The following DROSHA variants were observed in gnomAD, a reference collection of about 807,000 sequenced individuals.
DROSHA encodes drosha ribonuclease III, also known as ribonuclease 3.
A neutral mutation model predicts 181.9 loss-of-function variants in DROSHA; 56 were observed. The ratio of observed to expected loss-of-function variants is 0.31; its 90% CI spans 0.25 to 0.38. The LOEUF (loss-of-function observed/expected upper bound fraction) is 0.38, where lower values mean the gene tolerates loss of function less well. Ranked by LOEUF, DROSHA falls within the 10% of genes least tolerant of loss-of-function variation. The probability of loss-of-function intolerance (pLI) is 1.00; values close to 1 mark genes in which losing one functional copy is unlikely to be tolerated. For synonymous variants in DROSHA, 524 were observed against 591.2 expected (o/e 0.89, Z 1.65); for missense variants, 1,218 against 1,743.5 (o/e 0.70, Z 5.37).
chr5:31,494,836 G>A (rs1269260021), intron 12 of DROSHA, among the ~76,000 whole-genome samples: 5 of 151,748 alleles, frequency 3.3e-5, no homozygotes, highest in Admixed American at 6.6e-5. Context: ...CACCATGCCC[G>A]GCTAATTTTT....
chr5:31,424,265 C>T (rs1035845276), intron 28 of DROSHA, among the ~76,000 whole-genome samples, 162 bp downstream of exon 28: 1 of 152,134 alleles, frequency 6.6e-6, no homozygotes, highest in Admixed American at 6.5e-5. Context: ...GGTTCATTCT[C>T]CTATTGTTCC....
intron 3 of DROSHA, 24 bp from the exon 4 acceptor site, chr5:31,529,129 A>G: frequency 6.4e-7 from 1 of 1,573,684 alleles, no homozygotes; most frequent in South Asian, 1.2e-5. Flanking sequence ...AGAATAAAAC[A>G]GACATAAACA....
intron 3 of DROSHA, among the ~76,000 whole-genome samples, chr5:31,529,452 T>C (rs765988984): frequency 6.6e-6 from 1 of 152,128 alleles, no homozygotes; most frequent in Non-Finnish European, 1.5e-5. Context: ...CAGGTAGGCA[T>C]AGGCCGGGCA....
At chr5:31,415,666 A>G (rs1263007456) in intron 30 of DROSHA, among the ~76,000 whole-genome samples, 1 of 152,202 alleles carries the variant, frequency 6.6e-6, no homozygotes, top group Non-Finnish European at 1.5e-5. Flanking sequence ...CATCACCGCT[A>G]TAGTGCATGC....
intron 5 of DROSHA, among the ~76,000 whole-genome samples, chr5:31,523,460 C>A (rs1740140780): frequency 6.6e-6 from 1 of 152,146 alleles, no homozygotes; most frequent in Non-Finnish European, 1.5e-5. Flanking sequence ...CAAGTTGAAG[C>A]CTTGATGGAA....
chr5:31,430,283 T>C (rs1246379721), intron 26 of DROSHA, among the ~76,000 whole-genome samples: 1 of 152,246 alleles, frequency 6.6e-6, no homozygotes, highest in African/African-American at 2.4e-5. Context: ...GTAGCAGCTG[T>C]TGTGGTTTGG....
chr5:31,484,395 A>T (rs1374866671), intron 15 of DROSHA, among the ~76,000 whole-genome samples: 1 of 133,752 alleles, frequency 7.5e-6, no homozygotes, highest in African/African-American at 2.9e-5. Flanking sequence ...AAAAAAAAAA[A>T]AAAAAAAAAA....
At chr5:31,406,989 T>C in intron 33 of DROSHA, 44 bp from the exon 34 acceptor site, 1 of 1,565,544 alleles carries the variant, frequency 6.4e-7, no homozygotes, top group Non-Finnish European at 8.8e-7. Flanking sequence ...AAAGTGTTAT[T>C]TGTCATGGTT....
intron 35 of DROSHA, among the ~76,000 whole-genome samples, chr5:31,405,243 C>G (rs1234980817): frequency 6.6e-6 from 1 of 151,972 alleles, no homozygotes; most frequent in African/African-American, 2.4e-5. Flanking sequence ...TAGGAGGCAC[C>G]TGTAATCCCA....
intron 27 of DROSHA, among the ~76,000 whole-genome samples, chr5:31,427,137 C>G (rs1743572406): frequency 1.3e-5 from 2 of 152,088 alleles, no homozygotes; most frequent in South Asian, 2.1e-4. Context: ...CCAGAGGCAA[C>G]TTGAAAAGAC....
chr5:31,465,255 C>G (rs2150025184), intron 19 of DROSHA, among the ~76,000 whole-genome samples: 1 of 152,298 alleles, frequency 6.6e-6, no homozygotes, highest in African/African-American at 2.4e-5. Context: ...TATGTTGATA[C>G]TGAAACCGTT....
At chr5:31,522,553 T>C (rs1740012403) in intron 5 of DROSHA, among the ~76,000 whole-genome samples, 1 of 152,194 alleles carries the variant, frequency 6.6e-6, no homozygotes, top group Non-Finnish European at 1.5e-5. Context: ...AAAGACCAAT[T>C]TGGATATAAA....
At chr5:31,406,820 T>C (rs1287790204) in intron 34 of DROSHA, 33 bp downstream of exon 34, 2 of 1,595,710 alleles carry the variant, frequency 1.3e-6, no homozygotes, top group Non-Finnish European at 1.7e-6. Flanking sequence ...AGGATGTTCA[T>C]TCAAAGCAAT....
chr5:31,456,600 G>C (rs112536248), intron 20 of DROSHA, among the ~76,000 whole-genome samples: 1 of 151,862 alleles, frequency 6.6e-6, no homozygotes, highest in African/African-American at 2.4e-5. Flanking sequence ...AAGCCTTCCC[G>C]AATACAAAGG....
At chr5:31,469,154 C>T (rs1384669016) in intron 17 of DROSHA, among the ~76,000 whole-genome samples, 2 of 152,122 alleles carry the variant, frequency 1.3e-5, no homozygotes, top group Non-Finnish European at 1.5e-5. Context: ...GTCAGGAGTT[C>T]GAGACCAGCC....
Position 31,521,304 on chromosome 5 carries a change from G to A in DROSHA, c.855-89C>T, listed in dbSNP as rs1739872123. The A allele has an allele frequency of 2.8e-6, 4 of 1,418,472 alleles. No individual in the cohort carries two copies. The Admixed American group carries it at 7.0e-5, about 25-fold the overall frequency. 87.9% of individuals were successfully genotyped at this position (1,418,472 alleles called of 1,614,324 possible). On this transcript the variant is annotated intron_variant, in intron 5 of 35. Coordinates refer to ENST00000344624, the MANE Select transcript of DROSHA (RefSeq NM_001382508.1). ...ACTGAATTCATCTTGTAAATAAATGGACCACATCTAGGAATTTTTCAGGCA... is the reference window on the plus strand; with the variant it reads ...ACTGAATTCATCTTGTAAATAAATGAACCACATCTAGGAATTTTTCAGGCA...
At chr5:31,430,416 T>C (rs897287235) in intron 26 of DROSHA, among the ~76,000 whole-genome samples, 1 of 152,134 alleles carries the variant, frequency 6.6e-6, no homozygotes, top group African/African-American at 2.4e-5. Flanking sequence ...ATTAGTTGAT[T>C]TGGGGGGACA....
At chr5:31,429,201 C>T (rs537587084) in intron 27 of DROSHA, among the ~76,000 whole-genome samples, 31 of 152,124 alleles carry the variant, frequency 2.0e-4, no homozygotes, top group Non-Finnish European at 3.8e-4. Context: ...CAAAATGAAG[C>T]GAAGTCCTAT....
intron 6 of DROSHA, among the ~76,000 whole-genome samples, chr5:31,520,793 T>C (rs1739808446): frequency 1.3e-5 from 2 of 152,172 alleles, no homozygotes. Context: ...GTTTTGCTCT[T>C]TTTTTCTGAA....
Sources: gnomAD v4.1 joint callset for allele counts (sites outside exome capture counted in the v4.1 genomes callset) on GRCh38, gnomAD v4.1.1 for gene constraint, MANE v1.5 for transcripts, NCBI Gene and HGNC (gene_info 2026-07-23, HGNC 2026-07-21) for gene names.